Variants in CMTM4 observed in about 807,000 individuals in gnomAD.
CMTM4 encodes CKLF-like MARVEL transmembrane domain-containing protein 4.
A neutral mutation model predicts 19.0 loss-of-function variants in CMTM4; 8 were observed. The observed-to-expected ratio is 0.42, with a 90% CI of 0.25 to 0.76. The LOEUF (loss-of-function observed/expected upper bound fraction) is 0.76. CMTM4 is among the 30% of genes least tolerant of loss of function. CMTM4 has a pLI of 0.27. For missense variants in CMTM4, 228 were observed against 290.2 expected, an observed-to-expected ratio of 0.79 and a Z score of 1.56; for synonymous variants, 106 against 121.1, an observed-to-expected ratio of 0.88 and a Z score of 0.82.
At chr16:66,657,558 G>A (rs1380909885) in intron 1 of CMTM4, among the ~76,000 whole-genome samples, 1 of 152,190 alleles carries the variant, frequency 6.6e-6, no homozygotes, top group Non-Finnish European at 1.5e-5. Flanking sequence ...CAGAGAGAGA[G>A]AGACAGTAGA....
At position 66,618,658 on chromosome 16, in the gene CMTM4, G is replaced by A; in HGVS notation, c.*3400C>T. The A allele has an allele frequency of 2.0e-6, 2 of 985,502 alleles. No homozygotes were observed. The highest frequency in any genetic ancestry group is 2.4e-6 in the Non-Finnish European group (2 of 829,950). 61.0% of individuals were successfully genotyped at this position (985,502 alleles called of 1,614,324 possible). A position where few individuals can be genotyped will look rare whatever the true frequency, so the allele number is the denominator to read the frequency against. On this transcript the variant is annotated 3_prime_UTR_variant, in exon 4 of 4. Coordinates refer to ENST00000394106, the MANE Select transcript of CMTM4 (RefSeq NM_181521.3). ...ACGTACATGAGTGCACAAAGGTGTT[G>A]GAGCTTGGTCTCCTCAGGCTTAACC...
At chr16:66,636,941 T>C (rs1484683495) in intron 1 of CMTM4, among the ~76,000 whole-genome samples, 2 of 152,174 alleles carry the variant, frequency 1.3e-5, no homozygotes, top group Admixed American at 6.5e-5. Context: ...TAAGTGGGTG[T>C]TGCCTATGTG....
chr16:66,696,205 A>C lies in CMTM4; in HGVS notation c.186+135T>G. Reference sequence around the variant, plus strand: ...GGCTGCAGAGTGGTCCCGGGACCCCACGAGGGAGAGGGGGCGCGAGGAGCG... The same window carrying C: ...GGCTGCAGAGTGGTCCCGGGACCCCCCGAGGGAGAGGGGGCGCGAGGAGCG... On this transcript the variant is annotated intron_variant, in intron 1 of 3. Coordinates refer to ENST00000394106, the MANE Select transcript of CMTM4 (RefSeq NM_181521.3). This position sits in a 1 kb window ranked among gnomAD's most constrained non-coding sequence, Gnocchi z 4.3. 7 of 560,114 alleles carry C rather than the reference A, an allele frequency of 1.2e-5. No individual in the cohort carries two copies. Among genetic ancestry groups the C allele is most frequent in the Non-Finnish European group, 1.8e-5 (7 of 381,706 alleles). 34.7% of individuals were successfully genotyped at this position (560,114 alleles called of 1,614,324 possible).
intron 1 of CMTM4, among the ~76,000 whole-genome samples, chr16:66,661,544 T>C (rs1485629410): frequency 2.0e-5 from 3 of 152,232 alleles, no homozygotes; most frequent in East Asian, 3.8e-4. Context: ...TATGAAAAGA[T>C]AGTAACATTA....
chr16:66,660,980 T>C (rs1354483157), intron 1 of CMTM4, among the ~76,000 whole-genome samples: 1 of 152,018 alleles, frequency 6.6e-6, no homozygotes, highest in Non-Finnish European at 1.5e-5. Context: ...CTCAGGAAAA[T>C]AGCTGAGTAA....
rs187118574 is a variant in CMTM4 at position 66,620,044 on chromosome 16, T to C, written c.*2014A>G. On this transcript the variant is annotated 3_prime_UTR_variant, in exon 4 of 4. Transcript: ENST00000394106. The stretch of plus-strand genomic sequence containing the variant: ...TTTTACTGAAGTGAGCTGGGAAAAC[T>C]TGGGCAACAAGCCCACCTGAATGGT... 1.9e-5 allele frequency: 19 copies of C among 985,440 alleles called. No individual in the cohort carries two copies. The highest frequency in any genetic ancestry group is 5.2e-4 in the Middle Eastern group (1 of 1,914). The allele number at this position is 985,440 out of a possible 1,614,324, so 61.0% of individuals were successfully genotyped here.
chr16:66,661,989 C>CA (rs556013744), intron 1 of CMTM4, among the ~76,000 whole-genome samples: 4 of 151,654 alleles, frequency 2.6e-5, no homozygotes, highest in African/African-American at 4.8e-5. Context: ...ACAAAACAAA[C>CA]AAAAAACCAA....
chr16:66,676,220 GTTGGTTAAATAC>G (rs1025982664), intron 1 of CMTM4, among the ~76,000 whole-genome samples: 118 of 152,152 alleles, frequency 7.8e-4, no homozygotes, highest in African/African-American at 2.8e-3. Context: ...AATTGCCTGA[GTTGGTTAAATAC>G]TTGCTCTTTA....
At chr16:66,600,530 G>A in the CMTM4 span, among the ~76,000 whole-genome samples, 18 of 152,056 alleles carry the variant, frequency 1.2e-4, no homozygotes, top group African/African-American at 3.6e-4. Context: ...GGAATTGTCC[G>A]TAAAATCCAA....
chr16:66,641,532 T>C (rs927880042), intron 1 of CMTM4, among the ~76,000 whole-genome samples: 2 of 152,192 alleles, frequency 1.3e-5, no homozygotes, highest in Non-Finnish European at 2.9e-5. Flanking sequence ...TACAACCTTA[T>C]GAGGTAGATA....
At chr16:66,609,477 A>G in the CMTM4 span, 5 of 1,612,714 alleles carry the variant, frequency 3.1e-6, no homozygotes, top group Non-Finnish European at 4.2e-6. The surrounding 1 kb of genome is among the most constrained non-coding windows in gnomAD (Gnocchi z 4.4). Context: ...CTACTTTGCT[A>G]TCTCCATCAC....
the CMTM4 span, among the ~76,000 whole-genome samples, chr16:66,607,834 G>C: frequency 2.7e-5 from 4 of 150,832 alleles, no homozygotes; most frequent in East Asian, 8.0e-4. Flanking sequence ...GGCCATGCTG[G>C]GTTTTTTTTT....
At position 66,621,741 on chromosome 16, in the gene CMTM4, A is replaced by T. The variant is rs1485927723; in HGVS notation, c.*317T>A. The T allele has an allele frequency of 1.7e-6, 2 of 1,150,554 alleles. No homozygotes were observed. The highest frequency in any genetic ancestry group is 3.1e-5 in the African/African-American group (2 of 64,154). 71.3% of individuals were successfully genotyped at this position (1,150,554 alleles called of 1,614,324 possible). A position where few individuals can be genotyped will look rare whatever the true frequency, so the allele number is the denominator to read the frequency against. ...CCCTCTTAGCAGCCCCATTTAATCC[A>T]AAGTCTTGTTACAAATACACACGAC... On this transcript the variant is annotated 3_prime_UTR_variant, in exon 4 of 4. Coordinates refer to ENST00000394106, the MANE Select transcript of CMTM4 (RefSeq NM_181521.3).
At chr16:66,609,845 G>C (rs1253616193), downstream of CMTM4, 1 of 1,614,218 alleles carries the variant, frequency 6.2e-7, no homozygotes, top group East Asian at 2.2e-5. The surrounding 1 kb of genome is among the most constrained non-coding windows in gnomAD (Gnocchi z 4.4). Context: ...GGAGCAGGGA[G>C]TCAGCCCTGT....
At chr16:66,641,951 T>C (rs1306288301) in intron 1 of CMTM4, among the ~76,000 whole-genome samples, 1 of 152,240 alleles carries the variant, frequency 6.6e-6, no homozygotes, top group East Asian at 1.9e-4. Flanking sequence ...TGTATTCATA[T>C]GTAATTACAT....
chr16:66,626,563 G>A (rs1002565787), intron 2 of CMTM4, among the ~76,000 whole-genome samples: 1 of 152,100 alleles, frequency 6.6e-6, no homozygotes, highest in East Asian at 1.9e-4. Flanking sequence ...CCAAGATCTC[G>A]CCACTGCACT....
chr16:66,654,339 G>A (rs1215294923), intron 1 of CMTM4, among the ~76,000 whole-genome samples: 1 of 152,214 alleles, frequency 6.6e-6, no homozygotes, highest in East Asian at 1.9e-4. Context: ...CACCTGCACT[G>A]GACTTCCACT....
chr16:66,662,030 C>G (rs1340892556), intron 1 of CMTM4, among the ~76,000 whole-genome samples: 1 of 152,168 alleles, frequency 6.6e-6, no homozygotes, highest in Non-Finnish European at 1.5e-5. Flanking sequence ...CATCTCTACA[C>G]AAGCCAGGGC....
intron 1 of CMTM4, among the ~76,000 whole-genome samples, chr16:66,667,802 T>C (rs944950469): frequency 2.0e-5 from 3 of 151,954 alleles, no homozygotes; most frequent in Non-Finnish European, 4.4e-5. Context: ...GGCAGGAGAA[T>C]CGCTTGAACC....
Sources: gnomAD v4.1 joint callset for allele counts (sites outside exome capture counted in the v4.1 genomes callset) on GRCh38, gnomAD v4.1.1 for gene constraint, Gnocchi (gnomAD v3.1) non-coding constraint, MANE v1.5 for transcripts, NCBI Gene and HGNC (gene_info 2026-07-23, HGNC 2026-07-21) for gene names.